FAAH2: variants seen among roughly 807,000 people sequenced by gnomAD.
FAAH2 encodes fatty-acid amide hydrolase 2.
Under a neutral mutation model 36.9 loss-of-function variants are expected in FAAH2, and 60 were observed. That is an observed-to-expected ratio of 1.63 (90% CI 1.32 to 2.02). The LOEUF is 2.02. FAAH2 is among the 30% of genes most tolerant of loss of function. The pLI is 0.00. For synonymous variants in FAAH2, 214 were observed against 143.8 expected (o/e 1.49, Z -3.49); for missense variants, 689 against 397.5 (o/e 1.73, Z -6.23).
At chrX:57,201,033 T>C in the FAAH2 span, among the ~76,000 whole-genome samples, 1 of 106,867 alleles carries the variant, frequency 9.4e-6, no homozygotes, top group Non-Finnish European at 1.9e-5. Flanking sequence ...TTTCACTAAT[T>C]ATGCTATGCT....
At chrX:57,308,756 A>C (rs2052612921) in intron 2 of FAAH2, among the ~76,000 whole-genome samples, 1 of 111,534 alleles carries the variant, frequency 9.0e-6, no homozygotes, top group Non-Finnish European at 1.9e-5. Context: ...ATGGCAGTAA[A>C]AAATCCTCCT....
At chrX:57,245,307 T>A in the FAAH2 span, among the ~76,000 whole-genome samples, 1 of 111,530 alleles carries the variant, frequency 9.0e-6, no homozygotes, top group Non-Finnish European at 1.9e-5. Flanking sequence ...CCATTGTTAA[T>A]ATTGGACAGA....
the FAAH2 span, among the ~76,000 whole-genome samples, chrX:57,215,506 A>T: frequency 8.9e-6 from 1 of 111,919 alleles, no homozygotes; most frequent in Non-Finnish European, 1.9e-5. Flanking sequence ...TTATAAAGAT[A>T]CATGCACACA....
the FAAH2 span, among the ~76,000 whole-genome samples, chrX:57,192,573 A>ACTTG: frequency 9.0e-6 from 1 of 111,179 alleles, no homozygotes; most frequent in African/African-American, 3.3e-5. Flanking sequence ...TCTGGATGAT[A>ACTTG]CTTGCTATGG....
intron 10 of FAAH2, among the ~76,000 whole-genome samples, chrX:57,453,760 T>A (rs1218710332): frequency 1.8e-5 from 2 of 111,814 alleles, no homozygotes; most frequent in African/African-American, 6.5e-5. Context: ...GGGGATTAAG[T>A]GACCCCACCC....
At chrX:57,442,688 C>T (rs999084975) in intron 8 of FAAH2, among the ~76,000 whole-genome samples, 1 of 112,008 alleles carries the variant, frequency 8.9e-6, no homozygotes, top group Admixed American at 9.5e-5. Context: ...TTAGTTGATG[C>T]AGTTTCTTTT....
intron 8 of FAAH2, among the ~76,000 whole-genome samples, chrX:57,445,470 A>C (rs1399249980): frequency 9.0e-5 from 10 of 111,365 alleles, no homozygotes; most frequent in Non-Finnish European, 1.1e-4. Context: ...ACGGGGTCTC[A>C]TCCAAGGCTC....
the FAAH2 span, chrX:57,134,412 T>C: frequency 9.0e-6 from 1 of 111,371 alleles, no homozygotes; most frequent in African/African-American, 3.3e-5. Context: ...GGGGAAGGTC[T>C]AACCAGAATG....
At chrX:57,314,655 C>CA (rs949959635) in intron 3 of FAAH2, among the ~76,000 whole-genome samples, 9 of 110,061 alleles carry the variant, frequency 8.2e-5, no homozygotes, top group African/African-American at 1.3e-4. Context: ...AGGCATAAAT[C>CA]AAAAAAAGTG....
At chrX:57,264,972 A>G in the FAAH2 span, among the ~76,000 whole-genome samples, 1 of 112,110 alleles carries the variant, frequency 8.9e-6, no homozygotes, top group Admixed American at 9.4e-5. Context: ...TCCATGGAGA[A>G]CAGAGAAAAG....
chrX:57,342,534 T>C (rs1373174280), intron 5 of FAAH2, among the ~76,000 whole-genome samples: 2 of 111,712 alleles, frequency 1.8e-5, no homozygotes, highest in Non-Finnish European at 3.8e-5. Context: ...AAAAGAAAGA[T>C]AAATCCTAGC....
At chrX:57,343,784 T>G (rs2053750857) in intron 5 of FAAH2, among the ~76,000 whole-genome samples, 1 of 111,602 alleles carries the variant, frequency 9.0e-6, no homozygotes, top group African/African-American at 3.3e-5. Context: ...TTTAGTTAAT[T>G]TTTGCATATG....
At chrX:57,329,430 A>G (rs978773224) in intron 3 of FAAH2, among the ~76,000 whole-genome samples, 2 of 110,406 alleles carry the variant, frequency 1.8e-5, no homozygotes, top group Non-Finnish European at 3.8e-5. Flanking sequence ...TTGCATGCCT[A>G]GTTTCTGCCG....
Position 57,292,579 on chromosome X carries a change from A to G in FAAH2, c.274A>G (p.Arg92Gly). Residue 92 changes from arginine to glycine, a missense_variant and splice_region_variant, in exon 2 of 11, where the codon AGG becomes GGG. Physicochemically the swap from Arg to Gly is moderately radical, Grantham distance 125. Coordinates refer to ENST00000374900, the MANE Select transcript of FAAH2 (RefSeq NM_174912.4). ...NPMINGIVKYRFEEAMKEAHA... is the reference protein window; with the variant it reads ...NPMINGIVKYGFEEAMKEAHA... The stretch of plus-strand genomic sequence containing the variant: ...AATGATCAATGGAATTGTCAAGTAC[A>G]GGTGAGCATTTCCACTCTCTCAAGG... 8.3e-7 allele frequency: 1 copy of G among 1,204,604 alleles called. No homozygotes were observed. Among genetic ancestry groups the G allele is most frequent in the Admixed American group, 2.2e-5 (1 of 45,624 alleles).
chrX:57,247,421 T>TATTA, the FAAH2 span, among the ~76,000 whole-genome samples: 1 of 111,609 alleles, frequency 9.0e-6, no homozygotes, highest in African/African-American at 3.3e-5. Context: ...AGGGGTAGTG[T>TATTA]ATTAACATAT....
At chrX:57,450,597 A>T (rs1411981738) in intron 10 of FAAH2, among the ~76,000 whole-genome samples, 1 of 111,584 alleles carries the variant, frequency 9.0e-6, no homozygotes, top group African/African-American at 3.3e-5. Context: ...CAAATAGGTT[A>T]ATGTTTTATT....
the FAAH2 span, among the ~76,000 whole-genome samples, chrX:57,174,145 T>C: frequency 7.2e-5 from 8 of 111,592 alleles, no homozygotes; most frequent in Non-Finnish European, 1.9e-5. Flanking sequence ...CTGGAATTGA[T>C]ACCAACTATT....
At chrX:57,286,207 A>C (rs1454985013), upstream of FAAH2, among the ~76,000 whole-genome samples, 1 of 112,091 alleles carries the variant, frequency 8.9e-6, no homozygotes, top group Non-Finnish European at 1.9e-5. Context: ...GATGTTCATC[A>C]GTACTACCTG....
At chrX:57,273,300 A>C in the FAAH2 span, among the ~76,000 whole-genome samples, 1 of 111,355 alleles carries the variant, frequency 9.0e-6, no homozygotes, top group Non-Finnish European at 1.9e-5. Flanking sequence ...AGACTCCCAC[A>C]CAATAATAAT....
Sources: allele counts gnomAD v4.1 joint callset (sites outside exome capture counted in the v4.1 genomes callset), GRCh38; gene constraint gnomAD v4.1.1; transcripts MANE v1.5; gene names NCBI Gene and HGNC (gene_info 2026-07-23, HGNC 2026-07-21).